CADM2: variants seen among roughly 807,000 people sequenced by gnomAD.
CADM2 encodes immunoglobulin superfamily member 4D.
In CADM2, 12 loss-of-function variants were observed where a neutral mutation model predicts 49.8. The observed-to-expected ratio is 0.24, with a 90% CI of 0.15 to 0.39. The LOEUF is 0.39. CADM2 is among the 10% of genes least tolerant of loss of function. The pLI is 1.00. For missense variants in CADM2, 378 were observed against 492.3 expected (o/e 0.77, Z 2.20); for synonymous variants, 214 against 175.4 (o/e 1.22, Z -1.74).
In CADM2 at chr3:85,293,094, G is replaced by T. The variant is rs183262275; in HGVS notation, c.61+333426G>T. Among the ~76,000 whole-genome samples, 6 of 152,278 alleles carry T rather than the reference G, an allele frequency of 3.9e-5. No homozygotes were observed. In the East Asian group the frequency reaches 9.7e-4, roughly 24 times the overall value. On this transcript the variant is annotated intron_variant, in intron 1 of 9. Coordinates refer to ENST00000383699, the MANE Select transcript of CADM2 (RefSeq NM_001167675.2). ...GAATCAAATAGACATAATAAAAAAT[G>T]ATAAAGGGGATATCATCACTGATCC...
At chr3:85,019,832 C>G (rs1197869426) in intron 1 of CADM2, among the ~76,000 whole-genome samples, 1 of 152,088 alleles carries the variant, frequency 6.6e-6, no homozygotes, top group African/African-American at 2.4e-5. Flanking sequence ...ACTCCAATTA[C>G]AAGTTCAGAA....
intron 6 of CADM2, among the ~76,000 whole-genome samples, chr3:85,935,042 A>T (rs890998875): frequency 6.6e-6 from 1 of 151,970 alleles, no homozygotes; most frequent in Admixed American, 6.6e-5. Context: ...CTTTGTGTTG[A>T]TTAAGGAATA....
chr3:85,261,819 A>G (rs2043019575), intron 1 of CADM2, among the ~76,000 whole-genome samples: 1 of 152,104 alleles, frequency 6.6e-6, no homozygotes, highest in Non-Finnish European at 1.5e-5. Flanking sequence ...AAAACAAAAC[A>G]AAACAAAGTC....
At chr3:85,417,266 A>G (rs1037576089) in intron 1 of CADM2, among the ~76,000 whole-genome samples, 3 of 152,166 alleles carry the variant, frequency 2.0e-5, no homozygotes, top group African/African-American at 4.8e-5. Flanking sequence ...AATTTACTCT[A>G]CAAAATCCTG....
At chr3:85,499,811 A>G (rs2040044304) in intron 1 of CADM2, among the ~76,000 whole-genome samples, 1 of 152,120 alleles carries the variant, frequency 6.6e-6, no homozygotes, top group African/African-American at 2.4e-5. Context: ...AGCAAGGAGC[A>G]AAATTAGGCT....
intron 1 of CADM2, among the ~76,000 whole-genome samples, chr3:85,632,505 G>A (rs1175376718): frequency 1.3e-5 from 2 of 152,042 alleles, no homozygotes; most frequent in South Asian, 4.1e-4. Flanking sequence ...GCCTTTTGTT[G>A]GCTGAAATAA....
intron 8 of CADM2, among the ~76,000 whole-genome samples, chr3:86,006,847 C>A (rs1730852806): frequency 6.6e-6 from 1 of 151,864 alleles, no homozygotes; most frequent in Non-Finnish European, 1.5e-5. Flanking sequence ...TCGAGACAAG[C>A]CTGGCCAACA....
chr3:85,222,511 G>A (rs1292366631), intron 1 of CADM2, among the ~76,000 whole-genome samples: 2 of 152,090 alleles, frequency 1.3e-5, no homozygotes, highest in Non-Finnish European at 2.9e-5. Flanking sequence ...GAGCTACCTC[G>A]AATCTGATAG....
chr3:85,596,752 T>C (rs2326382), intron 1 of CADM2, among the ~76,000 whole-genome samples: 30,243 of 152,104 alleles, frequency 0.2, 3,793 homozygotes, highest in East Asian at 0.3. Context: ...ATTATTGCTC[T>C]GTTGCCCATG....
intron 1 of CADM2, among the ~76,000 whole-genome samples, chr3:85,539,140 T>TAA (rs140132068): frequency 4.2e-4 from 63 of 148,334 alleles, no homozygotes; most frequent in East Asian, 2.4e-3. Flanking sequence ...AGATTTACAT[T>TAA]AAAAAAAAAC....
At position 85,525,809 on chromosome 3, in the gene CADM2, A is replaced by C. The variant is rs541692842; in HGVS notation, c.62-200713A>C. 9.2e-5 allele frequency among the ~76,000 whole-genome samples: 14 copies of C among 152,048 alleles called. No homozygotes were observed. In the South Asian group the frequency reaches 2.9e-3, roughly 32 times the overall value. On this transcript the variant is annotated intron_variant, in intron 1 of 9. Coordinates refer to ENST00000383699, the MANE Select transcript of CADM2 (RefSeq NM_001167675.2). The stretch of plus-strand genomic sequence containing the variant: ...TTGGGTTTATCAGTGAAACTCTTTT[A>C]AAGTATTTTAGTAGTTGCTTTAAGA...
chr3:85,882,237 G>A (rs189237727), intron 3 of CADM2, among the ~76,000 whole-genome samples: 75 of 150,964 alleles, frequency 5.0e-4, no homozygotes, highest in African/African-American at 1.8e-3. Context: ...TCTAGATGGA[G>A]AGGGGAAGTC....
At chr3:85,158,031 G>A (rs1367890072) in intron 1 of CADM2, among the ~76,000 whole-genome samples, 5 of 152,094 alleles carry the variant, frequency 3.3e-5, no homozygotes, top group Non-Finnish European at 5.9e-5. Context: ...GTCGGCGAAG[G>A]ACATGAACAG....
chr3:85,200,727 T>G (rs1049441298), intron 1 of CADM2, among the ~76,000 whole-genome samples: 2 of 152,158 alleles, frequency 1.3e-5, no homozygotes, highest in Non-Finnish European at 2.9e-5. Context: ...AATAAAAATG[T>G]TGGATTTTTA....
At chr3:85,221,143 C>A (rs899281826) in intron 1 of CADM2, among the ~76,000 whole-genome samples, 2 of 152,086 alleles carry the variant, frequency 1.3e-5, no homozygotes, top group African/African-American at 2.4e-5. Context: ...ATAAACGATA[C>A]ACTTTTTTCC....
intron 1 of CADM2, among the ~76,000 whole-genome samples, chr3:85,516,935 A>T (rs925061638): frequency 2.4e-4 from 36 of 151,926 alleles, no homozygotes; most frequent in African/African-American, 8.0e-4. Flanking sequence ...TCACTTCCTT[A>T]ATTTTTCCAA....
rs138990834 is a variant in CADM2, at chr3:85,754,938, C to T, written c.88+28390C>T. 8.5e-5 allele frequency among the ~76,000 whole-genome samples: 13 copies of T among 152,204 alleles called. No homozygotes were observed. In the East Asian group the frequency reaches 1.5e-3, roughly 18 times the overall value. ...ATAGAAATATCCTTAGAAGGTAAAA[C>T]GTATTGATTTAAATTAACAGTAAAT... On this transcript the variant is annotated intron_variant, in intron 2 of 9. Transcript: ENST00000383699.
At chr3:86,040,667 T>C (rs1487587263) in intron 8 of CADM2, among the ~76,000 whole-genome samples, 1 of 152,170 alleles carries the variant, frequency 6.6e-6, no homozygotes, top group Non-Finnish European at 1.5e-5. Flanking sequence ...TGCAGGATAT[T>C]ATCCAGGAGA....
intron 2 of CADM2, among the ~76,000 whole-genome samples, chr3:85,753,126 C>T (rs1480698117): frequency 6.6e-6 from 1 of 152,152 alleles, no homozygotes; most frequent in Non-Finnish European, 1.5e-5. Context: ...AACAACTGTG[C>T]TCCCAGGGAT....
Sources: gnomAD v4.1 joint callset for allele counts (sites outside exome capture counted in the v4.1 genomes callset) on GRCh38, gnomAD v4.1.1 for gene constraint, MANE v1.5 for transcripts, NCBI Gene and HGNC (gene_info 2026-07-23, HGNC 2026-07-21) for gene names.